Variants in PGAP4 observed in about 807,000 individuals in gnomAD.
PGAP4 encodes the protein post-GPI attachment to proteins GalNAc transferase 4, also known as GPI-N-acetylgalactosamine transferase PGAP4.
A neutral mutation model predicts 28.2 loss-of-function variants in PGAP4; 12 were observed. The ratio of observed to expected loss-of-function variants is 0.42; its 90% CI spans 0.27 to 0.69. The LOEUF (loss-of-function observed/expected upper bound fraction) is 0.69, where lower values mean the gene tolerates loss of function less well. Among genes scored for constraint, PGAP4 ranks in the 30% least tolerant of loss-of-function variants. The probability of loss-of-function intolerance (pLI) is 0.22; values close to 1 mark genes in which losing one functional copy is unlikely to be tolerated. For synonymous variants in PGAP4, 205 were observed against 211.8 expected (o/e 0.97, Z 0.28); for missense variants, 425 against 513.5 (o/e 0.83, Z 1.67).
At chr9:101,530,223 A>G (rs1488058430) in intron 2 of PGAP4, among the ~76,000 whole-genome samples, 1 of 152,260 alleles carries the variant, frequency 6.6e-6, no homozygotes, top group East Asian at 1.9e-4. Context: ...AAGACAGGAC[A>G]TGACTGATGC....
At chr9:101,480,828 GCCTGTGGTGTCCAATGGCA>G (rs1826464369) in intron 1 of PGAP4, 1 of 152,174 alleles carries the variant, frequency 6.6e-6, no homozygotes, top group South Asian at 2.1e-4. Flanking sequence ...TTGCACAGTA[GCCTGTGGTGTCCAATGGCA>G]CCTATAATTT....
At chr9:101,525,166 T>G (rs1252208211) in intron 2 of PGAP4, among the ~76,000 whole-genome samples, 1 of 152,254 alleles carries the variant, frequency 6.6e-6, no homozygotes, top group East Asian at 1.9e-4. Context: ...AGTTGTTTTT[T>G]AAGTTCTTTG....
At position 101,476,925 on chromosome 9, in the gene PGAP4, C is replaced by A; in HGVS notation, c.168G>T (p.Trp56Cys). The change falls in exon 2 of 2, where the codon TGG becomes TGT. Residue 56 changes from tryptophan to cysteine, a missense_variant. Coordinates refer to ENST00000374848, the MANE Select transcript of PGAP4 (RefSeq NM_032342.3). The surrounding 1 kb of genome is among the most constrained non-coding windows in gnomAD (Gnocchi z 7.0). ...ACTCTTGGCTCATTTGGTTCAGATG[C>A]CAATGGCGCAGATAGAAGTAAGAGT... Reference protein sequence around the residue: ...LLHSYFYLRHWHLNQMSQEFL... With the variant: ...LLHSYFYLRHCHLNQMSQEFL... The A allele has an allele frequency of 6.2e-7, 1 of 1,614,078 alleles. No homozygotes were observed. Among genetic ancestry groups the A allele is most frequent in the South Asian group, 1.1e-5 (1 of 91,064 alleles).
chr9:101,476,214 T>C lies in PGAP4; in HGVS notation c.879A>G (p.Val293=). ...FASRPGFSWP[V]MLFFSLYSMG... is the part of the protein sequence containing the mutation. ...TGCTATACAGGGAGAAGAAGAGCAT[T>C]ACAGGCCAGCTAAACCCTGGGCGGC... Residue 293 remains valine, a synonymous_variant, in exon 2 of 2, where the codon GTA becomes GTG. Coordinates refer to ENST00000374848, the MANE Select transcript of PGAP4 (RefSeq NM_032342.3). The surrounding 1 kb of genome is among the most constrained non-coding windows in gnomAD (Gnocchi z 7.0). 6.2e-7 allele frequency: 1 copy of C among 1,614,062 alleles called. No homozygotes were observed. The highest frequency in any genetic ancestry group is 1.7e-5 in the Admixed American group (1 of 60,010).
chr9:101,497,724 G>A (rs1290200178), intron 2 of PGAP4, among the ~76,000 whole-genome samples: 1 of 151,532 alleles, frequency 6.6e-6, no homozygotes, highest in Admixed American at 6.6e-5. Flanking sequence ...CTTAAGTCAT[G>A]AACTAAGAAG....
At chr9:101,507,672 C>T (rs1402179080) in intron 2 of PGAP4, among the ~76,000 whole-genome samples, 1 of 152,090 alleles carries the variant, frequency 6.6e-6, no homozygotes, top group Non-Finnish European at 1.5e-5. Flanking sequence ...AACCTTCCAC[C>T]CTGTTTGTGC....
exon 1 of PGAP4, chr9:101,533,152 CTGAT>C (rs1376658060): frequency 6.6e-6 from 1 of 152,120 alleles, no homozygotes; most frequent in African/African-American, 2.4e-5. Context: ...AGATCAGAGA[CTGAT>C]TGGCGTTTAT....
chr9:101,475,223 C>T lies in PGAP4; in HGVS notation c.*658G>A. Reference sequence around the variant, plus strand: ...TGATGGTTCACAAGCTCTTCCAGATCTTGTCGTGCCTTAAAGTTCTCACTA... The same window carrying T: ...TGATGGTTCACAAGCTCTTCCAGATTTTGTCGTGCCTTAAAGTTCTCACTA... On this transcript the variant is annotated 3_prime_UTR_variant, in exon 2 of 2. Coordinates refer to ENST00000374848, the MANE Select transcript of PGAP4 (RefSeq NM_032342.3). 1 of 153,202 alleles carries T rather than the reference C, an allele frequency of 6.5e-6. No homozygotes were observed. Among genetic ancestry groups the T allele is most frequent in the East Asian group, 1.9e-4 (1 of 5,188 alleles). The allele number at this position is 153,202 out of a possible 1,614,324, so 9.5% of individuals were successfully genotyped here. A position where few individuals can be genotyped will look rare whatever the true frequency, so the allele number is the denominator to read the frequency against.
chr9:101,518,578 A>G (rs555493293), intron 2 of PGAP4, among the ~76,000 whole-genome samples: 14 of 152,274 alleles, frequency 9.2e-5, no homozygotes, highest in African/African-American at 2.6e-4. Flanking sequence ...TTGGTTTTCC[A>G]TTCCTGAGTT....
At chr9:101,510,172 G>C (rs563316775) in intron 2 of PGAP4, among the ~76,000 whole-genome samples, 1 of 152,080 alleles carries the variant, frequency 6.6e-6, no homozygotes, top group Non-Finnish European at 1.5e-5. Flanking sequence ...TATGGTGCTA[G>C]GTGAAAGAGG....
At chr9:101,517,818 T>C (rs1016921489) in intron 2 of PGAP4, among the ~76,000 whole-genome samples, 3 of 152,174 alleles carry the variant, frequency 2.0e-5, no homozygotes, top group African/African-American at 7.2e-5. Context: ...TTCTCTTTTG[T>C]AAGGGTTTGG....
intron 2 of PGAP4, among the ~76,000 whole-genome samples, chr9:101,522,148 G>A (rs1201245028): frequency 1.3e-5 from 2 of 152,096 alleles, no homozygotes; most frequent in Non-Finnish European, 2.9e-5. Context: ...GTCTGTCTTG[G>A]AGAAAGTTCC....
chr9:101,491,833 A>ATG (rs990376140), upstream of PGAP4, among the ~76,000 whole-genome samples: 23 of 128,484 alleles, frequency 1.8e-4, no homozygotes, highest in African/African-American at 4.9e-4. Flanking sequence ...ATATATATAT[A>ATG]TATATATATA....
At chr9:101,492,260 C>G (rs1312467566) in intron 2 of PGAP4, among the ~76,000 whole-genome samples, 1 of 151,794 alleles carries the variant, frequency 6.6e-6, no homozygotes, top group Non-Finnish European at 1.5e-5. Flanking sequence ...GTGGCACGAT[C>G]TCGGCTCACT....
At position 101,476,593 on chromosome 9, in the gene PGAP4, C is replaced by T. The variant is rs747277975; in HGVS notation, c.500G>A (p.Arg167His). ...ATAATCATCCTCAGTGCCCTCATAGCGATTGGCCACAGGGACATACTTGGA... is the reference window on the plus strand; with the variant it reads ...ATAATCATCCTCAGTGCCCTCATAGTGATTGGCCACAGGGACATACTTGGA... ...LLSKYVPVAN[R>H]YEGTEDDYGD... is the part of the protein sequence containing the mutation. Residue 167 changes from arginine (R) to histidine (H), a missense_variant, in exon 2 of 2, where the codon CGC becomes CAC. Transcript: ENST00000374848. The surrounding 1 kb of genome is among the most constrained non-coding windows in gnomAD (Gnocchi z 7.0). 5.6e-6 allele frequency: 9 copies of T among 1,614,064 alleles called. No homozygotes were observed. The highest frequency in any genetic ancestry group is 1.6e-4 in the Middle Eastern group (1 of 6,084).
chr9:101,525,027 T>C (rs1827023214), intron 2 of PGAP4, among the ~76,000 whole-genome samples: 1 of 152,212 alleles, frequency 6.6e-6, no homozygotes, highest in Non-Finnish European at 1.5e-5. Flanking sequence ...CATGAGCACT[T>C]GGGTTGATTC....
chr9:101,520,752 A>G (rs952638275), intron 2 of PGAP4, among the ~76,000 whole-genome samples: 1 of 152,138 alleles, frequency 6.6e-6, no homozygotes, highest in Admixed American at 6.5e-5. Flanking sequence ...TTCCAGTACT[A>G]TGTTGAAGAG....
At position 101,485,451 on chromosome 9, in the gene PGAP4, G is replaced by A. The variant is rs547760869; in HGVS notation, c.-78+1498C>T. ...TAGTAAAAATTAACAGAAAATACTC[G>A]CTATAGTGCAACACGTGACAAAGAA... is the stretch of plus-strand genomic sequence containing the variant. On this transcript the variant is annotated intron_variant, in intron 1 of 1. Transcript: ENST00000374848. Among the ~76,000 whole-genome samples, 4 of 152,178 alleles carry A rather than the reference G, an allele frequency of 2.6e-5. No individual in the cohort carries two copies. The East Asian group carries it at 7.7e-4, about 29-fold the overall frequency.
At chr9:101,503,716 G>A (rs1826823544) in intron 2 of PGAP4, among the ~76,000 whole-genome samples, 1 of 151,784 alleles carries the variant, frequency 6.6e-6, no homozygotes, top group South Asian at 2.1e-4. Context: ...AAAAGTCCTG[G>A]GAAGACAAGC....
Sources: gnomAD v4.1 joint callset for allele counts (sites outside exome capture counted in the v4.1 genomes callset) on GRCh38, gnomAD v4.1.1 for gene constraint, Gnocchi (gnomAD v3.1) non-coding constraint, MANE v1.5 for transcripts, NCBI Gene and HGNC (gene_info 2026-07-23, HGNC 2026-07-21) for gene names.